The following SYT16 variants were observed in gnomAD, a reference collection of about 807,000 sequenced individuals.
SYT16 encodes synaptotagmin-16.
In SYT16, 42 loss-of-function variants were observed where a neutral mutation model predicts 61.4. The ratio of observed to expected loss-of-function variants is 0.68; its 90% CI spans 0.53 to 0.89. SYT16 has a LOEUF of 0.89. Ranked by LOEUF, SYT16 falls within the 40% of genes least tolerant of loss-of-function variation. SYT16 has a pLI of 0.00. For missense variants in SYT16, 804 were observed against 807.3 expected, an observed-to-expected ratio of 1.00 and a Z score of 0.05; for synonymous variants, 314 against 302.3, an observed-to-expected ratio of 1.04 and a Z score of -0.40.
intron 3 of SYT16, among the ~76,000 whole-genome samples, chr14:62,036,229 T>A (rs2054500291): frequency 6.6e-6 from 1 of 151,902 alleles, no homozygotes; most frequent in African/African-American, 2.4e-5. Context: ...TGAGTTAAAG[T>A]TGGAAATGAG....
At chr14:61,975,817 C>T (rs2051766961) in intron 2 of SYT16, among the ~76,000 whole-genome samples, 1 of 152,122 alleles carries the variant, frequency 6.6e-6, no homozygotes, top group South Asian at 2.1e-4. Flanking sequence ...CCTGGTTCCC[C>T]CCAAATCTCA....
chr14:62,093,657 C>A (rs112858949), intron 7 of SYT16, among the ~76,000 whole-genome samples: 13 of 151,922 alleles, frequency 8.6e-5, no homozygotes, highest in Non-Finnish European at 1.9e-4. Flanking sequence ...AACTGGCTTA[C>A]GAGAAAGCCT....
chr14:62,042,175 C>G (rs1359569046), intron 3 of SYT16, among the ~76,000 whole-genome samples: 1 of 151,214 alleles, frequency 6.6e-6, no homozygotes, highest in Non-Finnish European at 1.5e-5. Context: ...TTTTCTTTTG[C>G]TTTTTTTTGT....
At chr14:61,927,118 T>C (rs1276045836) in intron 1 of SYT16, among the ~76,000 whole-genome samples, 1 of 152,208 alleles carries the variant, frequency 6.6e-6, no homozygotes, top group Admixed American at 6.5e-5. Flanking sequence ...AGCCCAGCTA[T>C]TGCCTCTGGC....
At chr14:61,948,489 T>C (rs973000778) in intron 1 of SYT16, among the ~76,000 whole-genome samples, 1 of 152,022 alleles carries the variant, frequency 6.6e-6, no homozygotes. Context: ...CAGTCGGGCC[T>C]CAGAATGGTA....
chr14:61,823,044 G>C (rs942263062), intron 1 of SYT16, among the ~76,000 whole-genome samples: 1 of 152,108 alleles, frequency 6.6e-6, no homozygotes, highest in Non-Finnish European at 1.5e-5. Context: ...CCAGGTTGGA[G>C]TGCAGTAGCA....
intron 1 of SYT16, among the ~76,000 whole-genome samples, chr14:61,848,658 A>G (rs554331236): frequency 6.6e-6 from 1 of 152,244 alleles, no homozygotes; most frequent in African/African-American, 2.4e-5. Context: ...CCTTCTCTTC[A>G]GTGCGCTGAG....
chr14:61,966,170 CAG>C (rs1177336297), intron 1 of SYT16, among the ~76,000 whole-genome samples: 3 of 151,476 alleles, frequency 2.0e-5, no homozygotes, highest in Non-Finnish European at 4.4e-5. Flanking sequence ...TCCAAAAAAG[CAG>C]AGTTATTTTG....
intron 1 of SYT16, among the ~76,000 whole-genome samples, chr14:61,961,144 A>G (rs2051101413): frequency 6.6e-6 from 1 of 152,178 alleles, no homozygotes; most frequent in South Asian, 2.1e-4. Flanking sequence ...ACTTAAATGT[A>G]AAACCTAAAA....
chr14:61,925,191 G>A (rs190638684), intron 1 of SYT16, among the ~76,000 whole-genome samples: 1 of 152,070 alleles, frequency 6.6e-6, no homozygotes, highest in Non-Finnish European at 1.5e-5. Flanking sequence ...AGATTCTGAC[G>A]GTAAGATGCT....
At chr14:61,859,011 C>T (rs898839961) in intron 1 of SYT16, among the ~76,000 whole-genome samples, 25 of 146,332 alleles carry the variant, frequency 1.7e-4, no homozygotes, top group Admixed American at 9.3e-4. Context: ...CCCACCACTA[C>T]GCCCGGCTAA....
chr14:61,902,692 G>T (rs1317049096), intron 1 of SYT16, among the ~76,000 whole-genome samples: 1 of 152,164 alleles, frequency 6.6e-6, no homozygotes, highest in Non-Finnish European at 1.5e-5. Flanking sequence ...ACATATCCAA[G>T]ATTGGGTAAT....
chr14:61,892,951 G>A lies in SYT16; in HGVS notation c.-324-77181G>A, dbSNP rs186181099. Among the ~76,000 whole-genome samples the A allele has an allele frequency of 4.1e-4, 62 of 151,956 alleles. 1 individual carries two copies. The highest frequency in any genetic ancestry group is 1.4e-3 in the African/African-American group (57 of 41,424). On this transcript the variant is annotated intron_variant, in intron 1 of 7. Transcript: ENST00000683842. The stretch of plus-strand genomic sequence containing the variant: ...GCCACGGTCCAGTGCAGGTGGGGCC[G>A]CCTTCCACAAGCCTTCCTCAGTGTG...
intron 1 of SYT16, among the ~76,000 whole-genome samples, chr14:61,902,846 C>T (rs1293304887): frequency 6.6e-6 from 1 of 152,134 alleles, no homozygotes; most frequent in Admixed American, 6.5e-5. Flanking sequence ...CCTTACAAAG[C>T]CATCAGATCT....
At chr14:61,948,857 T>A (rs569883859) in intron 1 of SYT16, among the ~76,000 whole-genome samples, 15 of 152,302 alleles carry the variant, frequency 9.8e-5, no homozygotes, top group Admixed American at 2.0e-4. Flanking sequence ...CAGGAGATTC[T>A]GGTGATGACT....
At chr14:61,897,487 G>T (rs890162657) in intron 1 of SYT16, 3 of 152,120 alleles carry the variant, frequency 2.0e-5, no homozygotes, top group Non-Finnish European at 4.4e-5. Flanking sequence ...AAAGTCTGCT[G>T]TTATTTTATG....
chr14:61,825,877 A>C (rs1428147337), intron 1 of SYT16, among the ~76,000 whole-genome samples: 8 of 152,206 alleles, frequency 5.3e-5, no homozygotes, highest in Non-Finnish European at 1.2e-4. Context: ...TCAGTGAGTA[A>C]TAGTGGCTTA....
intron 7 of SYT16, among the ~76,000 whole-genome samples, chr14:62,089,318 CA>C (rs11370731): frequency 0.083 from 11,657 of 140,180 alleles, 663 homozygotes; most frequent in East Asian, 0.17. Flanking sequence ...GATTCCATCT[CA>C]AAAAAAAAAA....
At chr14:61,852,050 G>T (rs2046635457) in intron 1 of SYT16, among the ~76,000 whole-genome samples, 1 of 152,058 alleles carries the variant, frequency 6.6e-6, no homozygotes, top group Non-Finnish European at 1.5e-5. Flanking sequence ...TATAGTTTTG[G>T]GTTTTACATT....
Sources: gnomAD v4.1 joint callset for allele counts (sites outside exome capture counted in the v4.1 genomes callset) on GRCh38, gnomAD v4.1.1 for gene constraint, MANE v1.5 for transcripts, NCBI Gene and HGNC (gene_info 2026-07-23, HGNC 2026-07-21) for gene names.